The following SPOCK1 variants were observed in gnomAD, a reference collection of about 807,000 sequenced individuals.
The protein encoded by SPOCK1 is testican-1.
SPOCK1 carries 23 observed loss-of-function variants against 55.3 expected under a neutral mutation model. The ratio of observed to expected loss-of-function variants is 0.42; its 90% CI spans 0.30 to 0.59. SPOCK1 has a LOEUF of 0.59. SPOCK1 is among the 20% of genes least tolerant of loss of function. The probability of loss-of-function intolerance (pLI) is 0.22; values close to 1 mark genes in which losing one functional copy is unlikely to be tolerated. For missense variants in SPOCK1, 499 were observed against 552.5 expected (o/e 0.90, Z 0.97); for synonymous variants, 226 against 221.0 (o/e 1.02, Z -0.20).
At chr5:137,390,050 T>C (rs1196822157) in intron 2 of SPOCK1, among the ~76,000 whole-genome samples, 1 of 152,174 alleles carries the variant, frequency 6.6e-6, no homozygotes, top group Admixed American at 6.5e-5. Flanking sequence ...CATTCTTTCT[T>C]GCTCTGACAT....
chr5:137,141,516 A>C (rs1475825914), intron 3 of SPOCK1, among the ~76,000 whole-genome samples: 1 of 152,250 alleles, frequency 6.6e-6, no homozygotes, highest in East Asian at 1.9e-4. Flanking sequence ...ACAAAGTTAC[A>C]ACGTAACAGG....
chr5:137,482,317 C>T (rs1753967447), intron 2 of SPOCK1, among the ~76,000 whole-genome samples: 1 of 152,190 alleles, frequency 6.6e-6, no homozygotes, highest in Non-Finnish European at 1.5e-5. Flanking sequence ...TTGATGTAGA[C>T]TCACAGATGA....
At chr5:137,017,815 A>G (rs1159380502) in intron 6 of SPOCK1, among the ~76,000 whole-genome samples, 1 of 152,208 alleles carries the variant, frequency 6.6e-6, no homozygotes, top group Non-Finnish European at 1.5e-5. Flanking sequence ...AATTTTAAAA[A>G]ATTCTAAAAT....
At chr5:137,252,312 A>G (rs1261995168) in intron 3 of SPOCK1, among the ~76,000 whole-genome samples, 1 of 152,226 alleles carries the variant, frequency 6.6e-6, no homozygotes, top group Non-Finnish European at 1.5e-5. Context: ...CATTTGGTAC[A>G]TTTGAAGAAT....
intron 2 of SPOCK1, among the ~76,000 whole-genome samples, chr5:137,402,584 G>T (rs1206322975): frequency 6.6e-6 from 1 of 152,158 alleles, no homozygotes; most frequent in Admixed American, 6.5e-5. Flanking sequence ...ATGACGGTGT[G>T]AATGCTGGGG....
intron 6 of SPOCK1, among the ~76,000 whole-genome samples, chr5:137,003,832 G>T (rs1751191995): frequency 6.6e-6 from 1 of 152,192 alleles, no homozygotes; most frequent in Non-Finnish European, 1.5e-5. Context: ...CCTGGGATTT[G>T]AGATCAGATC....
chr5:137,204,333 G>C (rs1232084179), intron 3 of SPOCK1, among the ~76,000 whole-genome samples: 2 of 152,122 alleles, frequency 1.3e-5, no homozygotes, highest in South Asian at 4.1e-4. Flanking sequence ...AACCTAAAAT[G>C]CTTCATGCAT....
At chr5:136,980,563 C>T (rs1450840663) in intron 9 of SPOCK1, among the ~76,000 whole-genome samples, 1 of 152,134 alleles carries the variant, frequency 6.6e-6, no homozygotes, top group Non-Finnish European at 1.5e-5. Context: ...GAATAAGTCT[C>T]ACAAGATCTG....
At chr5:137,244,818 C>T (rs1432960717) in intron 3 of SPOCK1, among the ~76,000 whole-genome samples, 2 of 152,212 alleles carry the variant, frequency 1.3e-5, no homozygotes, top group African/African-American at 4.8e-5. Context: ...CTCTGCCATG[C>T]CAGTTTCTGT....
At chr5:137,329,462 T>A (rs916214339) in intron 2 of SPOCK1, among the ~76,000 whole-genome samples, 1 of 152,166 alleles carries the variant, frequency 6.6e-6, no homozygotes, top group Non-Finnish European at 1.5e-5. Flanking sequence ...CTAATACAGA[T>A]GCCTTGCATC....
At chr5:137,349,232 TA>T (rs1750626121) in intron 2 of SPOCK1, among the ~76,000 whole-genome samples, 1 of 152,244 alleles carries the variant, frequency 6.6e-6, no homozygotes, top group African/African-American at 2.4e-5. Flanking sequence ...GGGATGGATA[TA>T]AAAGATGTTT....
intron 6 of SPOCK1, among the ~76,000 whole-genome samples, chr5:137,039,286 TTTTTTTTTTTTTG>T (rs1249844640): frequency 8.4e-5 from 12 of 142,442 alleles, no homozygotes; most frequent in African/African-American, 2.1e-4. Context: ...TTTTTTTTTT[TTTTTTTTTTTTTG>T]TTGTTGCAAC....
rs1298361603 is a variant in SPOCK1, at chr5:137,391,611, C to A, written c.186+106762G>T. On this transcript the variant is annotated intron_variant, in intron 2 of 10. Coordinates refer to ENST00000394945, the MANE Select transcript of SPOCK1 (RefSeq NM_004598.4). ...ATGGGGCTTATCCTTTTCTCCCAGCCCCACCAAACCCCCGATTCACTCGGT... is the reference window on the plus strand; with the variant it reads ...ATGGGGCTTATCCTTTTCTCCCAGCACCACCAAACCCCCGATTCACTCGGT... Among the ~76,000 whole-genome samples, 6 of 152,200 alleles carry A rather than the reference C, an allele frequency of 3.9e-5. No homozygotes were observed. The East Asian group carries it at 1.2e-3, about 29-fold the overall frequency.
At chr5:137,324,975 A>G (rs1450195281) in intron 2 of SPOCK1, among the ~76,000 whole-genome samples, 1 of 151,698 alleles carries the variant, frequency 6.6e-6, no homozygotes, top group African/African-American at 2.4e-5. Flanking sequence ...AAAAAAAAAA[A>G]TGAGGGGTTT....
intron 5 of SPOCK1, among the ~76,000 whole-genome samples, chr5:137,072,828 A>C (rs566528980): frequency 6.6e-6 from 1 of 152,348 alleles, no homozygotes; most frequent in Non-Finnish European, 1.5e-5. Context: ...GACAGTTCAC[A>C]GTTGACAATT....
At chr5:137,493,606 T>C (rs762787080) in intron 2 of SPOCK1, among the ~76,000 whole-genome samples, 3 of 152,238 alleles carry the variant, frequency 2.0e-5, no homozygotes, top group Non-Finnish European at 2.9e-5. Context: ...TAATGATCCC[T>C]GTGAAATAAT....
intron 5 of SPOCK1, among the ~76,000 whole-genome samples, chr5:137,076,932 T>C (rs527420636): frequency 2.0e-5 from 3 of 151,222 alleles, no homozygotes; most frequent in African/African-American, 7.3e-5. Context: ...GATTTAAAAT[T>C]TTTTTTTTTG....
chr5:137,395,245 A>T (rs1217542187), intron 2 of SPOCK1, among the ~76,000 whole-genome samples: 1 of 152,222 alleles, frequency 6.6e-6, no homozygotes, highest in African/African-American at 2.4e-5. Context: ...TTCTGACGTG[A>T]TCTGGATACA....
chr5:136,978,378 T>G lies in SPOCK1; in HGVS notation c.*276A>C. On this transcript the variant is annotated 3_prime_UTR_variant, in exon 11 of 11. Transcript: ENST00000394945. Reference sequence around the variant, plus strand: ...GTAAATCACATGCTTGTTGGAAAAATCTCACAGAAAGGAAGGAGGCTCTAA... The same window carrying G: ...GTAAATCACATGCTTGTTGGAAAAAGCTCACAGAAAGGAAGGAGGCTCTAA... The G allele has an allele frequency of 2.7e-6, 1 of 374,084 alleles. No individual in the cohort carries two copies. The highest frequency in any genetic ancestry group is 4.7e-6 in the Non-Finnish European group (1 of 211,086). The allele number at this position is 374,084 out of a possible 1,614,324, so 23.2% of individuals were successfully genotyped here.
Sources: gnomAD v4.1 joint callset for allele counts (sites outside exome capture counted in the v4.1 genomes callset) on GRCh38, gnomAD v4.1.1 for gene constraint, MANE v1.5 for transcripts, NCBI Gene and HGNC (gene_info 2026-07-23, HGNC 2026-07-21) for gene names.